Variants in ANPEP observed in about 807,000 individuals in gnomAD.
ANPEP encodes the protein aminopeptidase N.
In ANPEP, 70 loss-of-function variants were observed where a neutral mutation model predicts 114.6. The observed-to-expected ratio is 0.61, with a 90% confidence interval of 0.50 to 0.75. ANPEP has a LOEUF of 0.75. Among genes scored for constraint, ANPEP ranks in the 30% least tolerant of loss-of-function variants. ANPEP has a pLI of 0.00. For synonymous variants in ANPEP, 548 were observed against 522.3 expected, an observed-to-expected ratio of 1.05 and a Z score of -0.67; for missense variants, 1,184 against 1,259.5, an observed-to-expected ratio of 0.94 and a Z score of 0.91.
At position 89,799,431 on chromosome 15, in the gene ANPEP, GGT is replaced by G; in HGVS notation, c.1946_1947del (p.Asp649AlafsTer14). 6.2e-7 allele frequency: 1 copy of G among 1,614,180 alleles called. No individual in the cohort carries two copies. Among genetic ancestry groups the G allele is most frequent in the Non-Finnish European group, 8.5e-7 (1 of 1,180,020 alleles). ...GAGGGGTGGCAGACACTCACCGAGT[GGT>G]CTCTCTGCAGCTGAGTCTGAATCTT... Reference protein sequence around the residue: ...WRKIQTQLQRDHSAIPVINRA... With the variant: ...WRKIQTQLQRXHSAIPVINRA... On this transcript the variant is annotated frameshift_variant, in exon 13 of 21. Transcript: ENST00000300060. LOFTEE classifies it high-confidence loss of function. This position sits in a 1 kb window ranked among gnomAD's most constrained non-coding sequence, Gnocchi z 4.2.
chr15:89,795,653 T>C (rs1038522894), intron 15 of ANPEP, among the ~76,000 whole-genome samples: 2 of 152,178 alleles, frequency 1.3e-5, no homozygotes, highest in South Asian at 2.1e-4. Flanking sequence ...AGAAATAATT[T>C]CCCACCTTGA....
intron 16 of ANPEP, 144 bp from the exon 17 acceptor site, chr15:89,792,706 C>G (rs1968656312): frequency 2.7e-6 from 2 of 742,818 alleles, no homozygotes; most frequent in African/African-American, 3.5e-5. Flanking sequence ...TGCTTTGTGC[C>G]TTGGGCCTGA....
rs1292679633 is a variant in ANPEP, at chr15:89,797,574, C to G, written c.2157+1G>C. On this transcript the variant is annotated splice_donor_variant, in intron 15 of 20. Coordinates refer to ENST00000300060, the MANE Select transcript of ANPEP (RefSeq NM_001150.3). LOFTEE classifies it high-confidence loss of function. ...TTGAACCCTACCATGCACCTCCGTACCTTCATGGGGCCATAGACCTCGGAG... is the reference window on the plus strand; with the variant it reads ...TTGAACCCTACCATGCACCTCCGTAGCTTCATGGGGCCATAGACCTCGGAG... 2 of 1,611,930 alleles carry G rather than the reference C, an allele frequency of 1.2e-6. No individual in the cohort carries two copies. Among genetic ancestry groups the G allele is most frequent in the Non-Finnish European group, 1.7e-6 (2 of 1,178,952 alleles).
intron 1 of ANPEP, among the ~76,000 whole-genome samples, chr15:89,811,443 G>A (rs936149175): frequency 1.3e-5 from 2 of 151,780 alleles, no homozygotes; most frequent in East Asian, 1.9e-4. Context: ...TCAGCAGATC[G>A]AGACCATCCT....
Position 89,799,290 on chromosome 15 carries a change from TG to T in ANPEP, c.1978del (p.Gln660ArgfsTer21). ...HSAIPVINRAQIINDAFNLAS... is the reference protein window; with the variant it reads ...HSAIPVINRAXIINDAFNLAS... ...CAGGTTGAAGGCGTCATTAATGATC[TG>T]TGCCCGATTGATGACAGGGATGGCC... On this transcript the variant is annotated frameshift_variant, in exon 14 of 21. Coordinates refer to ENST00000300060, the MANE Select transcript of ANPEP (RefSeq NM_001150.3). LOFTEE classifies it high-confidence loss of function. The surrounding 1 kb of genome is among the most constrained non-coding windows in gnomAD (Gnocchi z 4.2). 6.2e-7 allele frequency: 1 copy of T among 1,614,208 alleles called. No homozygotes were observed.
At chr15:89,800,152 C>T (rs1314469420) in intron 12 of ANPEP, among the ~76,000 whole-genome samples, 1 of 152,168 alleles carries the variant, frequency 6.6e-6, no homozygotes, top group Non-Finnish European at 1.5e-5. Context: ...ACACCTCTGC[C>T]CTAGCTACAC....
At chr15:89,809,178 G>T (rs1217870712) in intron 1 of ANPEP, among the ~76,000 whole-genome samples, 1 of 152,232 alleles carries the variant, frequency 6.6e-6, no homozygotes, top group East Asian at 1.9e-4. Context: ...CCATCAGGGT[G>T]GATGGAATTC....
intron 14 of ANPEP, 108 bp from the exon 15 acceptor site, chr15:89,797,830 G>C: frequency 1.4e-6 from 2 of 1,453,592 alleles, no homozygotes; most frequent in Non-Finnish European, 1.9e-6. Flanking sequence ...TAGGCCCCCT[G>C]TATCCACTCC....
rs762484678 is a variant in ANPEP, at chr15:89,804,379, G to C, written c.1053C>G (p.Ala351=). 1 of 1,614,118 alleles carries C rather than the reference G, an allele frequency of 6.2e-7. No homozygotes were observed. The highest frequency in any genetic ancestry group is 8.5e-7 in the Non-Finnish European group (1 of 1,180,052). The change falls in exon 6 of 21, where the codon GCC becomes GCG. Residue 351 remains alanine, a synonymous_variant. Transcript: ENST00000300060. The part of the protein sequence containing the change: ...SDQIGLPDFN[A]GAMENWGLVT... ...CCAGTCCCCAGTTCTCCATGGCGCC[G>C]GCGTTGAAGTCTGGCAGGCCAATCT...
In ANPEP at chr15:89,803,567, C is replaced by A; in HGVS notation, c.1438-60G>T. On this transcript the variant is annotated intron_variant, in intron 8 of 20. Coordinates refer to ENST00000300060, the MANE Select transcript of ANPEP (RefSeq NM_001150.3). This position sits in a 1 kb window ranked among gnomAD's most constrained non-coding sequence, Gnocchi z 4.2. ...TGCAGAGCCACCAGGACCCTGTGCC[C>A]CCAGACCCTGCCTTCAGTGAGGCCC... 1 of 1,601,274 alleles carries A rather than the reference C, an allele frequency of 6.2e-7. No individual in the cohort carries two copies. The highest frequency in any genetic ancestry group is 1.3e-5 in the African/African-American group (1 of 74,886).
At chr15:89,787,109 G>A (rs563437368) in intron 20 of ANPEP, among the ~76,000 whole-genome samples, 6 of 141,878 alleles carry the variant, frequency 4.2e-5, no homozygotes, top group African/African-American at 1.3e-4. Flanking sequence ...GCAGTGGTGC[G>A]ATCTCAGCTC....
At chr15:89,793,850 T>A (rs1378542902) in intron 15 of ANPEP, among the ~76,000 whole-genome samples, 1 of 152,080 alleles carries the variant, frequency 6.6e-6, no homozygotes, top group Non-Finnish European at 1.5e-5. Context: ...TTTTCTATAG[T>A]TTTTTCTTTT....
intron 16 of ANPEP, 82 bp downstream of exon 16, chr15:89,792,953 G>A (rs889321739): frequency 5.4e-5 from 66 of 1,224,856 alleles, no homozygotes; most frequent in Non-Finnish European, 7.1e-5. Context: ...ATTGAGAGCT[G>A]CGGCAGAGAA....
At chr15:89,788,831 G>A (rs1465924254) in intron 20 of ANPEP, among the ~76,000 whole-genome samples, 1 of 151,342 alleles carries the variant, frequency 6.6e-6, no homozygotes, top group Non-Finnish European at 1.5e-5. Flanking sequence ...TATTGCCCAG[G>A]CTGGTCTCAA....
chr15:89,786,459 T>C (rs1596158452), intron 20 of ANPEP, among the ~76,000 whole-genome samples: 1 of 141,656 alleles, frequency 7.1e-6, no homozygotes, highest in East Asian at 2.0e-4. Context: ...GGACCCAGAA[T>C]AGCCAAAACA....
intron 10 of ANPEP, among the ~76,000 whole-genome samples, chr15:89,802,171 C>T (rs995663416): frequency 1.3e-5 from 2 of 152,060 alleles, no homozygotes; most frequent in Non-Finnish European, 2.9e-5. Flanking sequence ...CACCTAAGAA[C>T]GGGGCCACAC....
chr15:89,791,072 G>T lies in ANPEP; in HGVS notation c.2550C>A (p.Asn850Lys). The change falls in exon 19 of 21, where the codon AAC becomes AAA. Residue 850 changes from asparagine (N) to lysine (K), a missense_variant. Asn to Lys is a moderately conservative substitution (Grantham distance 94). Transcript: ENST00000300060. The part of the protein sequence containing the change: ...ILNRYLSYTL[N>K]PDLIRKQDAT... Reference sequence around the variant, plus strand: ...CGTCCTGCTTCCGGATTAAGTCCGGGTTCAGGGTGTAGCTCAGGTACCTAA... The same window carrying T: ...CGTCCTGCTTCCGGATTAAGTCCGGTTTCAGGGTGTAGCTCAGGTACCTAA... 6.2e-7 allele frequency: 1 copy of T among 1,614,206 alleles called. No individual in the cohort carries two copies. Among genetic ancestry groups the T allele is most frequent in the Non-Finnish European group, 8.5e-7 (1 of 1,180,036 alleles).
chr15:89,792,327 C>A lies in ANPEP; in HGVS notation c.2361G>T (p.Pro787=). 6.2e-7 allele frequency: 1 copy of A among 1,614,056 alleles called. No individual in the cohort carries two copies. Among genetic ancestry groups the A allele is most frequent in the Non-Finnish European group, 8.5e-7 (1 of 1,179,948 alleles). ...CGGTGGACCGCAGGTTGGGGTGGAT[C>A]CTGGTGTGGGGTAGGGAGGTCAGGT... is the stretch of plus-strand genomic sequence containing the variant. The part of the protein sequence containing the change: ...KQWMENPNNN[P]IHPNLRSTVY... Residue 787 remains proline, a splice_region_variant and synonymous_variant, in exon 18 of 21, where the codon CCG becomes CCT. Coordinates refer to ENST00000300060, the MANE Select transcript of ANPEP (RefSeq NM_001150.3).
In ANPEP at chr15:89,805,142, T is replaced by C. The variant is rs1894682148; in HGVS notation, c.833A>G (p.Tyr278Cys). ...EFHTTPKMST[Y>C]LLAFIVSEFD... is the part of the protein sequence containing the mutation. Reference sequence around the variant, plus strand: ...CTCACTGACAATGAAGGCCAGCAAGTACGTGGACATCTTGGGCGTGGTGTG... The same window carrying C: ...CTCACTGACAATGAAGGCCAGCAAGCACGTGGACATCTTGGGCGTGGTGTG... Residue 278 changes from tyrosine to cysteine, a missense_variant, in exon 4 of 21, where the codon TAC (tyrosine) becomes TGC (cysteine). Tyr to Cys is a radical substitution (Grantham distance 194). Transcript: ENST00000300060. The C allele has an allele frequency of 2.5e-6, 4 of 1,614,112 alleles. No individual in the cohort carries two copies. The Admixed American group carries it at 6.7e-5, about 27-fold the overall frequency.
Sources: gnomAD v4.1 joint callset for allele counts (sites outside exome capture counted in the v4.1 genomes callset) on GRCh38, gnomAD v4.1.1 for gene constraint, Gnocchi (gnomAD v3.1) non-coding constraint, MANE v1.5 for transcripts, NCBI Gene and HGNC (gene_info 2026-07-23, HGNC 2026-07-21) for gene names.